SDK1: variants seen among roughly 807,000 people sequenced by gnomAD.
SDK1 encodes sidekick cell adhesion molecule 1, also known as protein sidekick-1.
In SDK1, 157 loss-of-function variants were observed where a neutral mutation model predicts 245.5. The ratio of observed to expected loss-of-function variants is 0.64; its 90% confidence interval spans 0.56 to 0.73. SDK1 has a LOEUF of 0.73. Among genes scored for constraint, SDK1 ranks in the 30% least tolerant of loss-of-function variants. The probability of loss-of-function intolerance (pLI) is 0.00; values close to 1 mark genes in which losing one functional copy is unlikely to be tolerated. For missense variants in SDK1, 3,583 were observed against 3,002.3 expected, an observed-to-expected ratio of 1.19 and a Z score of -4.52; for synonymous variants, 1,647 against 1,278.5, an observed-to-expected ratio of 1.29 and a Z score of -6.15.
chr7:3,668,216 A>G (rs1380690597), intron 4 of SDK1, among the ~76,000 whole-genome samples: 1 of 152,208 alleles, frequency 6.6e-6, no homozygotes, highest in Non-Finnish European at 1.5e-5. Flanking sequence ...CAAATCTGCA[A>G]TTTGAGCAGG....
intron 14 of SDK1, among the ~76,000 whole-genome samples, chr7:3,999,663 C>T (rs1784929556): frequency 1.3e-5 from 2 of 152,156 alleles, no homozygotes; most frequent in Non-Finnish European, 1.5e-5. Flanking sequence ...TTCGTAAGAG[C>T]AGAAGGATCT....
intron 1 of SDK1, among the ~76,000 whole-genome samples, chr7:3,510,687 C>CAG (rs1554282181): frequency 1.3e-5 from 2 of 152,078 alleles, no homozygotes; most frequent in Non-Finnish European, 2.9e-5. Flanking sequence ...TCTTATTATA[C>CAG]AGATGAAACC....
At chr7:3,442,405 G>C (rs1780220998) in intron 1 of SDK1, among the ~76,000 whole-genome samples, 1 of 152,212 alleles carries the variant, frequency 6.6e-6, no homozygotes, top group Admixed American at 6.5e-5. Context: ...AAATGGAATG[G>C]TAACTGGGTC....
At chr7:3,393,061 C>T (rs1241782995) in intron 1 of SDK1, among the ~76,000 whole-genome samples, 2 of 150,418 alleles carry the variant, frequency 1.3e-5, no homozygotes, top group Non-Finnish European at 2.9e-5. Context: ...ATCTCCGCCT[C>T]CTAGGTTCAA....
At chr7:3,610,421 G>T (rs528080389) in intron 1 of SDK1, among the ~76,000 whole-genome samples, 1 of 152,136 alleles carries the variant, frequency 6.6e-6, no homozygotes, top group Non-Finnish European at 1.5e-5. Context: ...TCTTATTTTG[G>T]TTGGTCATAC....
At chr7:3,700,032 CA>C (rs1784694878) in intron 4 of SDK1, among the ~76,000 whole-genome samples, 1 of 152,118 alleles carries the variant, frequency 6.6e-6, no homozygotes, top group Non-Finnish European at 1.5e-5. Flanking sequence ...GTAGTGACCA[CA>C]AGAAGGTGGC....
At chr7:3,481,837 TA>T (rs1227165645) in intron 1 of SDK1, among the ~76,000 whole-genome samples, 1 of 152,220 alleles carries the variant, frequency 6.6e-6, no homozygotes, top group East Asian at 1.9e-4. Context: ...TTCCCTTTAT[TA>T]AATGCTTTCC....
At chr7:3,609,228 G>C (rs1235959260) in intron 1 of SDK1, among the ~76,000 whole-genome samples, 1 of 152,036 alleles carries the variant, frequency 6.6e-6, no homozygotes, top group Non-Finnish European at 1.5e-5. Flanking sequence ...AAGAATTTAG[G>C]TGTCCTTAAT....
chr7:3,986,102 C>T (rs573537969), intron 13 of SDK1, among the ~76,000 whole-genome samples: 5 of 152,064 alleles, frequency 3.3e-5, no homozygotes, highest in East Asian at 3.9e-4. Flanking sequence ...GTACAGGGCC[C>T]GGGCAGCTCA....
At chr7:3,339,163 A>G (rs1562424200) in intron 1 of SDK1, among the ~76,000 whole-genome samples, 1 of 139,758 alleles carries the variant, frequency 7.2e-6, no homozygotes, top group Non-Finnish European at 1.6e-5. Flanking sequence ...TTAACATTCA[A>G]AAATAATTTC....
intron 1 of SDK1, among the ~76,000 whole-genome samples, chr7:3,478,027 A>C (rs958039851): frequency 6.6e-6 from 1 of 152,252 alleles, no homozygotes; most frequent in Non-Finnish European, 1.5e-5. Flanking sequence ...GATTTGCAAC[A>C]TACTCCTTAG....
At chr7:3,988,623 T>C (rs1784057230) in intron 14 of SDK1, among the ~76,000 whole-genome samples, 1 of 152,156 alleles carries the variant, frequency 6.6e-6, no homozygotes, top group African/African-American at 2.4e-5. Context: ...GGATTTTATG[T>C]TGACTCCCTG....
intron 1 of SDK1, among the ~76,000 whole-genome samples, chr7:3,345,126 T>C (rs901082504): frequency 6.6e-6 from 1 of 152,242 alleles, no homozygotes; most frequent in African/African-American, 2.4e-5. Flanking sequence ...GTTTGATCAC[T>C]GCTGCATTGA....
intron 10 of SDK1, 78 bp downstream of exon 10, chr7:3,967,512 A>G: frequency 1.2e-6 from 1 of 867,044 alleles, no homozygotes; most frequent in Non-Finnish European, 1.9e-6. Context: ...CTTCTTATTC[A>G]CTCTCTTGTT....
intron 4 of SDK1, among the ~76,000 whole-genome samples, chr7:3,723,827 T>C (rs145336472): frequency 0.013 from 1,882 of 146,858 alleles, 44 homozygotes; most frequent in Middle Eastern, 0.022. Context: ...TACATATACA[T>C]ATACACGTGT....
At chr7:4,098,784 C>T (rs1172284302) in intron 22 of SDK1, among the ~76,000 whole-genome samples, 1 of 151,174 alleles carries the variant, frequency 6.6e-6, no homozygotes, top group Non-Finnish European at 1.5e-5. Context: ...CCACCTCAGC[C>T]TCCCGAGTAG....
At chr7:3,822,338 C>G (rs1454826280) in intron 5 of SDK1, among the ~76,000 whole-genome samples, 1 of 152,154 alleles carries the variant, frequency 6.6e-6, no homozygotes, top group African/African-American at 2.4e-5. Flanking sequence ...AGGGTTGAAA[C>G]TAGTCATGGC....
intron 4 of SDK1, among the ~76,000 whole-genome samples, chr7:3,722,941 C>T (rs927636901): frequency 6.6e-6 from 1 of 152,188 alleles, no homozygotes; most frequent in Admixed American, 6.5e-5. Flanking sequence ...TTGTAAACTC[C>T]TTTCACCTGG....
intron 22 of SDK1, among the ~76,000 whole-genome samples, chr7:4,098,581 C>T (rs890914552): frequency 6.6e-6 from 1 of 152,096 alleles, no homozygotes. Flanking sequence ...TTACTAAGGT[C>T]AAAACCTTTT....
Sources: gnomAD v4.1 joint callset for allele counts (sites outside exome capture counted in the v4.1 genomes callset) on GRCh38, gnomAD v4.1.1 for gene constraint, MANE v1.5 for transcripts, NCBI Gene and HGNC (gene_info 2026-07-23, HGNC 2026-07-21) for gene names.